KAZN: variants seen among roughly 807,000 people sequenced by gnomAD.
KAZN encodes the protein kazrin.
KAZN carries 40 observed loss-of-function variants against 87.4 expected under a neutral mutation model. The ratio of observed to expected loss-of-function variants is 0.46; its 90% CI spans 0.36 to 0.60. The LOEUF is 0.60. Among genes scored for constraint, KAZN ranks in the 20% least tolerant of loss-of-function variants. The pLI, the probability that KAZN is intolerant of heterozygous loss-of-function variation, is 0.00. For synonymous variants in KAZN, 466 were observed against 458.3 expected, an observed-to-expected ratio of 1.02 and a Z score of -0.22; for missense variants, 898 against 1,073.9, an observed-to-expected ratio of 0.84 and a Z score of 2.29.
At chr1:14,177,839 G>T (rs1247916508) in intron 1 of KAZN, among the ~76,000 whole-genome samples, 6 of 147,470 alleles carry the variant, frequency 4.1e-5, no homozygotes, top group Non-Finnish European at 7.5e-5. Context: ...ATGCCTTGTT[G>T]CAGCCTTCTC....
chr1:15,112,678 C>T, intron 14 of KAZN, 137 bp downstream of exon 14: 1 of 625,864 alleles, frequency 1.6e-6, no homozygotes, highest in Non-Finnish European at 2.9e-6. Context: ...GCATCCAGGA[C>T]AGATGCCCTG....
chr1:15,022,870 C>G (rs1557725639), intron 2 of KAZN, among the ~76,000 whole-genome samples: 1 of 152,196 alleles, frequency 6.6e-6, no homozygotes, highest in Non-Finnish European at 1.5e-5. Flanking sequence ...TCCTGGGTCC[C>G]TCAGCTGGAG....
rs529324366 is a variant in KAZN at position 15,034,673 on chromosome 1, A to G, written c.419-76A>G. 3.9e-6 allele frequency: 6 copies of G among 1,554,642 alleles called. No individual in the cohort carries two copies. The East Asian group carries it at 9.2e-5, about 24-fold the overall frequency. ...ACCTGTTACAAAGGTGACGGCGGTG[A>G]TGCCACTTCTCAGCACTCAGGCATC... On this transcript the variant is annotated intron_variant, in intron 2 of 14. Coordinates refer to ENST00000376030, the MANE Select transcript of KAZN (RefSeq NM_201628.3).
In KAZN at chr1:14,484,120, A is replaced by G. The variant is rs1052807137; in HGVS notation, c.250-114863A>G. Among the ~76,000 whole-genome samples the G allele has an allele frequency of 1.4e-4, 21 of 152,320 alleles. 1 individual carries two copies. In the East Asian group the frequency reaches 4.0e-3, roughly 29 times the overall value. ...GCTTTCTATTCTGTTCTGACGGTCT[A>G]TGTGTCTGTTCTTATGCCAGTACGA... is the stretch of plus-strand genomic sequence containing the variant. On this transcript the variant is annotated intron_variant, in intron 2 of 16. Coordinates refer to the KAZN transcript ENST00000636203.
chr1:14,730,267 G>T (rs10737901), intron 1 of KAZN, among the ~76,000 whole-genome samples: 1 of 151,592 alleles, frequency 6.6e-6, no homozygotes, highest in East Asian at 1.9e-4. Flanking sequence ...TATGTTTAGT[G>T]GAGACAGGGT....
rs566334730 is a variant in KAZN at position 13,930,633 on chromosome 1, G to T, written c.91+36877G>T. Among the ~76,000 whole-genome samples the T allele has an allele frequency of 2.0e-5, 3 of 152,276 alleles. No homozygotes were observed. In the East Asian group the frequency reaches 5.8e-4, roughly 29 times the overall value. On this transcript the variant is annotated intron_variant, in intron 1 of 16. Coordinates refer to the KAZN transcript ENST00000636203. ...AAATCCCAGTCTTATGGGGGAGTTG[G>T]TTAATAGGCAGACAAATTAAAATGC...
rs889541113 is a variant in KAZN at position 14,133,179 on chromosome 1, C to T, written c.92-47256C>T. On this transcript the variant is annotated intron_variant, in intron 1 of 16. Coordinates refer to the KAZN transcript ENST00000636203. ...GTCAAGAGATTGAGACCATCCTGGC[C>T]AACATGGTGAAACCCCATCTCTACT... 9.9e-5 allele frequency among the ~76,000 whole-genome samples: 15 copies of T among 151,916 alleles called. No individual in the cohort carries two copies. The South Asian group carries it at 1.7e-3, about 17-fold the overall frequency.
rs1667929587 is a variant in KAZN, at chr1:14,996,905, AG to A, written c.418+36032del. ...CCTCCCTGCCTGACCTCACCGCCCC[AG>A]GAAGCTTAGTCACGTTGCCTTTTCT... On this transcript the variant is annotated intron_variant, in intron 2 of 14. Transcript: ENST00000376030. The surrounding 1 kb of genome is among the most constrained non-coding windows in gnomAD (Gnocchi z 5.9). 6.6e-6 allele frequency among the ~76,000 whole-genome samples: 1 copy of A among 152,188 alleles called. No homozygotes were observed. Among genetic ancestry groups the A allele is most frequent in the African/African-American group, 2.4e-5 (1 of 41,464 alleles).
At chr1:14,410,011 T>A (rs553757534) in intron 2 of KAZN, among the ~76,000 whole-genome samples, 1 of 152,258 alleles carries the variant, frequency 6.6e-6, no homozygotes, top group South Asian at 2.1e-4. Flanking sequence ...AAGATAGATA[T>A]GAGGAAATTA....
intron 2 of KAZN, among the ~76,000 whole-genome samples, chr1:14,362,573 C>G (rs1000808051): frequency 6.6e-6 from 1 of 152,332 alleles, no homozygotes; most frequent in East Asian, 1.9e-4. Context: ...GCTTAAGAGA[C>G]TGTCTCACTG....
intron 1 of KAZN, among the ~76,000 whole-genome samples, chr1:14,832,016 G>A (rs1411422039): frequency 6.6e-6 from 1 of 152,044 alleles, no homozygotes; most frequent in Non-Finnish European, 1.5e-5. Flanking sequence ...CCAACGTGGT[G>A]AAACCCCATC....
Position 14,338,741 on chromosome 1 carries a change from G to C in KAZN, c.249+158149G>C, listed in dbSNP as rs143756924. On this transcript the variant is annotated intron_variant, in intron 2 of 16. Transcript: ENST00000636203. ...AGGGTAGGAAGCACCAAGGTCTTCT[G>C]TTGGTGTCATTGAGCAAATTAGCCA... Among the ~76,000 whole-genome samples the C allele has an allele frequency of 7.3e-3, 1,107 of 152,310 alleles. 14 individuals are homozygous for C. The highest frequency in any genetic ancestry group is 0.025 in the African/African-American group (1,058 of 41,570).
intron 1 of KAZN, among the ~76,000 whole-genome samples, chr1:14,761,838 C>T (rs1361465000): frequency 2.0e-5 from 3 of 151,936 alleles, no homozygotes; most frequent in African/African-American, 7.3e-5. Flanking sequence ...CTGAGATTAC[C>T]CAGTTAATTA....
chr1:14,793,136 G>A (rs150881767), intron 1 of KAZN, among the ~76,000 whole-genome samples: 48 of 152,232 alleles, frequency 3.2e-4, no homozygotes, highest in African/African-American at 1.0e-3. Context: ...CCCCGACTTC[G>A]GTGGCATGGA....
intron 1 of KAZN, among the ~76,000 whole-genome samples, chr1:14,847,439 T>C (rs1648917865): frequency 6.6e-6 from 1 of 152,208 alleles, no homozygotes; most frequent in African/African-American, 2.4e-5. Flanking sequence ...TGTAGGCTTG[T>C]AGCAGAAAAG....
chr1:14,139,711 C>T (rs1645190285), intron 1 of KAZN, among the ~76,000 whole-genome samples: 1 of 152,204 alleles, frequency 6.6e-6, no homozygotes, highest in Non-Finnish European at 1.5e-5. Context: ...GCATGGGCTG[C>T]AGGGCCGTAG....
intron 1 of KAZN, among the ~76,000 whole-genome samples, chr1:14,037,677 A>C (rs1641618449): frequency 6.6e-6 from 1 of 152,146 alleles, no homozygotes; most frequent in Non-Finnish European, 1.5e-5. Context: ...TGTCACAGTA[A>C]ATTTGGCTTG....
At chr1:14,794,969 G>C (rs1645787213) in intron 1 of KAZN, among the ~76,000 whole-genome samples, 1 of 152,110 alleles carries the variant, frequency 6.6e-6, no homozygotes, top group Non-Finnish European at 1.5e-5. Context: ...GATGCTTCCT[G>C]TCCTCAAACA....
chr1:14,319,132 A>G (rs1006455783), intron 2 of KAZN, among the ~76,000 whole-genome samples: 1 of 150,134 alleles, frequency 6.7e-6, no homozygotes, highest in Non-Finnish European at 1.5e-5. Flanking sequence ...AATGTTGGAA[A>G]TTGTTAATTT....
Sources: allele counts gnomAD v4.1 joint callset (sites outside exome capture counted in the v4.1 genomes callset), GRCh38; gene constraint gnomAD v4.1.1; non-coding constraint Gnocchi (gnomAD v3.1); transcripts MANE v1.5; gene names NCBI Gene and HGNC (gene_info 2026-07-23, HGNC 2026-07-21).